Variants in FRMD1 observed in about 807,000 individuals in gnomAD.
The protein encoded by FRMD1 is FERM domain-containing protein 1.
In FRMD1, 51 loss-of-function variants were observed where a neutral mutation model predicts 54.9. That is an observed-to-expected ratio of 0.93 (90% CI 0.74 to 1.17). The LOEUF is 1.17. Ranked by LOEUF, FRMD1 falls within the 50% of genes most tolerant of loss-of-function variation. The pLI, the probability that FRMD1 is intolerant of heterozygous loss-of-function variation, is 0.00. For synonymous variants in FRMD1, 324 were observed against 306.4 expected (o/e 1.06, Z -0.60); for missense variants, 729 against 743.0 (o/e 0.98, Z 0.22).
intron 1 of FRMD1, 119 bp downstream of exon 1, chr6:168,078,763 T>TGCTCACCC (rs1800719776): frequency 4.1e-6 from 4 of 976,572 alleles, no homozygotes; most frequent in East Asian, 3.1e-5. Flanking sequence ...CCCAAGGCCA[T>TGCTCACCC]CCAGGGCCCT....
chr6:168,067,866 T>C (rs1371645182), intron 2 of FRMD1, among the ~76,000 whole-genome samples: 1 of 151,946 alleles, frequency 6.6e-6, no homozygotes, highest in Non-Finnish European at 1.5e-5. Context: ...TCTCAGCAAT[T>C]TTGGAGGCCA....
chr6:168,072,521 C>T (rs564822036), intron 2 of FRMD1, among the ~76,000 whole-genome samples: 7 of 152,338 alleles, frequency 4.6e-5, no homozygotes, highest in African/African-American at 1.7e-4. Context: ...GCCTCAGTGC[C>T]GAGAACTTGG....
chr6:168,075,375 A>C (rs373721337), intron 1 of FRMD1, 40 bp from the exon 2 acceptor site: 31 of 1,557,958 alleles, frequency 2.0e-5, no homozygotes, highest in Middle Eastern at 3.4e-4. Flanking sequence ...AGGGGCCGGC[A>C]CCTGTCCCCA....
chr6:168,066,732 C>T lies in FRMD1; in HGVS notation c.461+23G>A, dbSNP rs377238424. On this transcript the variant is annotated intron_variant, in intron 4 of 10. Coordinates refer to ENST00000283309, the MANE Select transcript of FRMD1 (RefSeq NM_024919.6). ...GATTTTCAGTATTCCAGGAAACACC[C>T]CTTACAGTCCGCATGCCGTTACCTT... is the stretch of plus-strand genomic sequence containing the variant. The T allele has an allele frequency of 9.4e-6, 15 of 1,604,152 alleles. No individual in the cohort carries two copies. The African/African-American group carries it at 1.7e-4, about 19-fold the overall frequency.
upstream of FRMD1, chr6:168,081,765 C>T (rs1227376343): frequency 1.4e-5 from 6 of 425,864 alleles, no homozygotes; most frequent in Admixed American, 1.9e-4. Flanking sequence ...AAGGCAGCAT[C>T]TTCGGGGCCA....
Position 168,057,301 on chromosome 6 carries a change from G to A in FRMD1, c.1446C>T (p.His482=), listed in dbSNP as rs1321935219. The A allele has an allele frequency of 6.2e-7, 1 of 1,612,206 alleles. No individual in the cohort carries two copies. Among genetic ancestry groups the A allele is most frequent in the Non-Finnish European group, 8.5e-7 (1 of 1,179,776 alleles). The change falls in exon 11 of 11, where the codon CAC becomes CAT. Residue 482 remains histidine, a synonymous_variant. Coordinates refer to ENST00000283309, the MANE Select transcript of FRMD1 (RefSeq NM_024919.6). Reference sequence around the variant, plus strand: ...GCTGCATGTCGTCCAGGCCATGGCTGTGCTGCTCCTCACTGACCCCGGCTG... The same window carrying A: ...GCTGCATGTCGTCCAGGCCATGGCTATGCTGCTCCTCACTGACCCCGGCTG... ...EMTAGVSEEQ[H]SHGLDDMQLH...
At chr6:168,064,804 T>A in intron 5 of FRMD1, 67 bp downstream of exon 5, 1 of 1,500,838 alleles carries the variant, frequency 6.7e-7, no homozygotes, top group Non-Finnish European at 8.9e-7. Context: ...CTCCCATGGA[T>A]GGCACCCGGT....
chr6:168,079,938 C>T (rs1233258097), upstream of FRMD1, among the ~76,000 whole-genome samples: 1 of 152,180 alleles, frequency 6.6e-6, no homozygotes, highest in African/African-American at 2.4e-5. Context: ...CAGGATCCTG[C>T]CTGGCCCTGG....
intron 2 of FRMD1, among the ~76,000 whole-genome samples, chr6:168,070,077 A>G (rs1308374242): frequency 2.0e-5 from 3 of 152,094 alleles, no homozygotes; most frequent in Non-Finnish European, 2.9e-5. Context: ...TACAAAAGGT[A>G]TCTGGCTGTG....
chr6:168,064,216 C>T (rs931779675), intron 5 of FRMD1, among the ~76,000 whole-genome samples: 10 of 152,306 alleles, frequency 6.6e-5, no homozygotes, highest in South Asian at 2.1e-4. Context: ...CTGACCTCAG[C>T]GACTGCCTCA....
chr6:168,059,255 A>G lies in FRMD1; in HGVS notation c.1343-67T>C. 5.1e-6 allele frequency: 7 copies of G among 1,367,264 alleles called. No homozygotes were observed. The highest frequency in any genetic ancestry group is 2.5e-5 in the East Asian group (1 of 39,968). 84.7% of individuals were successfully genotyped at this position (1,367,264 alleles called of 1,614,324 possible). A position where few individuals can be genotyped will look rare whatever the true frequency, so the allele number is the denominator to read the frequency against. The stretch of plus-strand genomic sequence containing the variant: ...GCCCGACATGGCTCCTCCCCAGGGC[A>G]GTTCCCTGCACTTCTGGGGCCCTGG... On this transcript the variant is annotated intron_variant, in intron 9 of 10. Transcript: ENST00000283309. The surrounding 1 kb of genome is among the most constrained non-coding windows in gnomAD (Gnocchi z 4.4).
intron 1 of FRMD1, among the ~76,000 whole-genome samples, chr6:168,086,723 C>T (rs373591291): frequency 6.6e-6 from 1 of 152,120 alleles, no homozygotes; most frequent in Non-Finnish European, 1.5e-5. Flanking sequence ...TCTGTCACCC[C>T]CCTCGGCATC....
chr6:168,057,118 T>C lies in FRMD1; in HGVS notation c.1629A>G (p.Pro543=). ...GTGCCTACACCACAAACTCCTGTGGTGGAGCCTCTCCGAACAGGTCCAGGG... is the reference window on the plus strand; with the variant it reads ...GTGCCTACACCACAAACTCCTGTGGCGGAGCCTCTCCGAACAGGTCCAGGG... ...CLALDLFGEA[P]PQEFVV The change falls in exon 11 of 11, where the codon CCA becomes CCG. Residue 543 remains proline, a synonymous_variant. Transcript: ENST00000283309. The C allele has an allele frequency of 6.7e-7, 1 of 1,495,712 alleles. No homozygotes were observed. The highest frequency in any genetic ancestry group is 8.9e-7 in the Non-Finnish European group (1 of 1,118,934). The allele number at this position is 1,495,712 out of a possible 1,614,324, so 92.7% of individuals were successfully genotyped here.
At chr6:168,066,125 A>G in intron 4 of FRMD1, 1 of 990,124 alleles carries the variant, frequency 1.0e-6, no homozygotes. Flanking sequence ...AGCAGCCCTT[A>G]GCCCAGCGAC....
upstream of FRMD1, among the ~76,000 whole-genome samples, chr6:168,080,152 G>T (rs994462841): frequency 2.0e-5 from 3 of 152,080 alleles, no homozygotes; most frequent in African/African-American, 7.2e-5. Context: ...CCGCCTTAAG[G>T]CCTGGCCCGG....
At position 168,073,407 on chromosome 6, in the gene FRMD1, T is replaced by A. The variant is rs537355147; in HGVS notation, c.304+1838A>T. Among the ~76,000 whole-genome samples the A allele has an allele frequency of 1.2e-4, 18 of 152,292 alleles. No individual in the cohort carries two copies. The East Asian group carries it at 3.5e-3, about 30-fold the overall frequency. On this transcript the variant is annotated intron_variant, in intron 2 of 10. Transcript: ENST00000283309. ...CCCCTGGGGGACTCAGGACTGGGTCTAAATGCATGAGGTCACATCAGAAAG... is the reference window on the plus strand; with the variant it reads ...CCCCTGGGGGACTCAGGACTGGGTCAAAATGCATGAGGTCACATCAGAAAG...
At chr6:168,069,461 C>T (rs1181933522) in intron 2 of FRMD1, among the ~76,000 whole-genome samples, 3 of 152,220 alleles carry the variant, frequency 2.0e-5, no homozygotes, top group African/African-American at 4.8e-5. Context: ...CTGGTCCTGA[C>T]TCCCCCGAAT....
chr6:168,088,791 C>T (rs139014326), intron 1 of FRMD1, among the ~76,000 whole-genome samples: 2 of 98,618 alleles, frequency 2.0e-5, no homozygotes, highest in East Asian at 4.0e-4. Flanking sequence ...CACAAGCCTT[C>T]CACTGCAAGG....
chr6:168,086,453 G>T (rs1351916295), upstream of FRMD1, among the ~76,000 whole-genome samples: 1 of 149,668 alleles, frequency 6.7e-6, no homozygotes, highest in Non-Finnish European at 1.5e-5. Context: ...CATGGACACT[G>T]CCCACGTTCC....
Sources: allele counts gnomAD v4.1 joint callset (sites outside exome capture counted in the v4.1 genomes callset), GRCh38; gene constraint gnomAD v4.1.1; non-coding constraint Gnocchi (gnomAD v3.1); transcripts MANE v1.5; gene names NCBI Gene and HGNC (gene_info 2026-07-23, HGNC 2026-07-21).